The following CTNNA3 variants were observed in gnomAD, a reference collection of about 807,000 sequenced individuals.
CTNNA3 encodes catenin alpha 3, also known as catenin alpha-3.
CTNNA3 carries 76 observed loss-of-function variants against 95.7 expected under a neutral mutation model. That is an observed-to-expected ratio of 0.79 (90% CI 0.66 to 0.96). The LOEUF (loss-of-function observed/expected upper bound fraction) is 0.96. Among genes scored for constraint, CTNNA3 ranks in the 40% least tolerant of loss-of-function variants. The pLI is 0.00. For missense variants in CTNNA3, 1,191 were observed against 1,089.8 expected, an observed-to-expected ratio of 1.09 and a Z score of -1.31; for synonymous variants, 431 against 374.4, an observed-to-expected ratio of 1.15 and a Z score of -1.74.
intron 2 of CTNNA3, among the ~76,000 whole-genome samples, chr10:67,627,898 G>A (rs994480719): frequency 5.3e-5 from 8 of 151,800 alleles, no homozygotes; most frequent in African/African-American, 1.7e-4. Flanking sequence ...TATGGAGTAT[G>A]TAAGGGAAGT....
At chr10:66,385,447 T>C (rs2092881612) in intron 11 of CTNNA3, among the ~76,000 whole-genome samples, 1 of 151,970 alleles carries the variant, frequency 6.6e-6, no homozygotes, top group Non-Finnish European at 1.5e-5. Context: ...AGGCAAAAAT[T>C]AATAGGCTAC....
chr10:66,444,018 G>A (rs1032624163), intron 11 of CTNNA3, among the ~76,000 whole-genome samples: 15 of 152,116 alleles, frequency 9.9e-5, no homozygotes, highest in Non-Finnish European at 1.5e-4. Flanking sequence ...CAAGAACTAC[G>A]TGAAGAACGC....
chr10:67,510,711 T>C (rs1481754770), intron 5 of CTNNA3, among the ~76,000 whole-genome samples: 2 of 152,194 alleles, frequency 1.3e-5, no homozygotes, highest in Non-Finnish European at 2.9e-5. Context: ...TGTAAAGTAG[T>C]TTTTTCCAAT....
chr10:67,230,274 G>C (rs1188478277), intron 5 of CTNNA3, among the ~76,000 whole-genome samples: 1 of 152,130 alleles, frequency 6.6e-6, no homozygotes, highest in Admixed American at 6.5e-5. Flanking sequence ...GCCACATGCA[G>C]GAGAATGAAA....
chr10:65,974,596 G>A lies in CTNNA3; in HGVS notation c.2266-7850C>T, dbSNP rs560706485. 2.6e-5 allele frequency among the ~76,000 whole-genome samples: 4 copies of A among 152,248 alleles called. No homozygotes were observed. The South Asian group carries it at 8.3e-4, about 32-fold the overall frequency. On this transcript the variant is annotated intron_variant, in intron 16 of 17. Coordinates refer to ENST00000433211, the MANE Select transcript of CTNNA3 (RefSeq NM_013266.4). ...TAGAAACTGAGGATTACTAGACAGG[G>A]GAGGGAGGAAGGGAGTAAAGGCTTG...
At chr10:66,573,700 GA>G (rs1423181934) in intron 10 of CTNNA3, among the ~76,000 whole-genome samples, 3 of 152,054 alleles carry the variant, frequency 2.0e-5, no homozygotes, top group Non-Finnish European at 4.4e-5. Context: ...TCAATTAAAA[GA>G]AAACTGGTTA....
intron 13 of CTNNA3, among the ~76,000 whole-genome samples, chr10:66,164,462 G>A (rs756191135): frequency 1.1e-4 from 17 of 151,770 alleles, no homozygotes; most frequent in Non-Finnish European, 2.2e-4. Context: ...TCAGGAATAG[G>A]AAGGTATCCA....
chr10:67,557,981 T>A (rs1182888946), intron 3 of CTNNA3, among the ~76,000 whole-genome samples: 3 of 152,216 alleles, frequency 2.0e-5, no homozygotes, highest in African/African-American at 7.2e-5. Flanking sequence ...TCATACTGCT[T>A]ACCTCATCCT....
chr10:67,206,092 T>C (rs1183871083), intron 6 of CTNNA3, among the ~76,000 whole-genome samples: 3 of 152,178 alleles, frequency 2.0e-5, no homozygotes, highest in African/African-American at 7.2e-5. Context: ...ACTTGTCTTC[T>C]GTCAAAAAGA....
At chr10:66,205,717 C>T (rs759738856) in intron 13 of CTNNA3, among the ~76,000 whole-genome samples, 3 of 151,776 alleles carry the variant, frequency 2.0e-5, no homozygotes, top group African/African-American at 4.8e-5. Flanking sequence ...TGCATACCAG[C>T]GTCATCATTT....
At chr10:66,628,118 AT>A (rs199558421) in intron 9 of CTNNA3, among the ~76,000 whole-genome samples, 2,948 of 152,250 alleles carry the variant, frequency 0.019, 35 homozygotes, top group South Asian at 0.047. Flanking sequence ...TCTTTTAAAA[AT>A]ATTTTCCCAT....
upstream of CTNNA3, among the ~76,000 whole-genome samples, chr10:67,700,772 C>T (rs191452013): frequency 0.018 from 2,676 of 152,220 alleles, 79 homozygotes; most frequent in African/African-American, 0.059. Flanking sequence ...CAAAGCTGGA[C>T]GGAGAATGAC....
chr10:66,901,151 G>A (rs1043187643), intron 7 of CTNNA3, among the ~76,000 whole-genome samples: 1 of 152,168 alleles, frequency 6.6e-6, no homozygotes, highest in Non-Finnish European at 1.5e-5. Flanking sequence ...ACCCACAAAA[G>A]GAAGCCCATC....
chr10:67,727,690 T>G (rs1273879406), intron 1 of CTNNA3, among the ~76,000 whole-genome samples: 3 of 128,138 alleles, frequency 2.3e-5, no homozygotes, highest in South Asian at 2.3e-4. Context: ...ATATATAATA[T>G]ATAATAGATC....
At chr10:65,981,150 G>A (rs2078312127) in intron 16 of CTNNA3, among the ~76,000 whole-genome samples, 1 of 151,954 alleles carries the variant, frequency 6.6e-6, no homozygotes, top group Non-Finnish European at 1.5e-5. Context: ...CAAAGTTTCA[G>A]GATAAAACAT....
intron 9 of CTNNA3, among the ~76,000 whole-genome samples, chr10:66,723,110 A>G (rs893963243): frequency 7.9e-5 from 12 of 152,316 alleles, no homozygotes; most frequent in South Asian, 6.2e-4. Context: ...CCTAGCAAGA[A>G]AGAATAAAGA....
At position 66,468,453 on chromosome 10, in the gene CTNNA3, A is replaced by C. The variant is rs1839007677; in HGVS notation, c.1531+52164T>G. Among the ~76,000 whole-genome samples, 3 of 151,930 alleles carry C rather than the reference A, an allele frequency of 2.0e-5. No individual in the cohort carries two copies. The South Asian group carries it at 6.2e-4, about 31-fold the overall frequency. ...GATATGTACATCAATATAAAATTTA[A>C]AAGGGAGTCATGGGTGGGGGAAATG... On this transcript the variant is annotated intron_variant, in intron 11 of 17. Coordinates refer to ENST00000433211, the MANE Select transcript of CTNNA3 (RefSeq NM_013266.4).
At chr10:66,104,539 T>C (rs891246948) in intron 13 of CTNNA3, among the ~76,000 whole-genome samples, 7 of 152,190 alleles carry the variant, frequency 4.6e-5, no homozygotes, top group Non-Finnish European at 8.8e-5. Context: ...TAGTGAGCTC[T>C]TCATCCAAGT....
intron 9 of CTNNA3, among the ~76,000 whole-genome samples, chr10:66,714,310 A>G (rs1848386277): frequency 1.3e-5 from 2 of 152,128 alleles, no homozygotes; most frequent in African/African-American, 4.8e-5. Context: ...AATGACTACA[A>G]TTAAAATGGA....
Sources: allele counts gnomAD v4.1 joint callset (sites outside exome capture counted in the v4.1 genomes callset), GRCh38; gene constraint gnomAD v4.1.1; transcripts MANE v1.5; gene names NCBI Gene and HGNC (gene_info 2026-07-23, HGNC 2026-07-21).